Variants in IL34 observed in about 807,000 individuals in gnomAD.
IL34 encodes the protein interleukin 34, also known as interleukin-34.
A neutral mutation model predicts 25.3 loss-of-function variants in IL34; 17 were observed. The ratio of observed to expected loss-of-function variants is 0.67; its 90% CI spans 0.46 to 1.01. The LOEUF (loss-of-function observed/expected upper bound fraction) is 1.01. Ranked by LOEUF, IL34 falls within the 50% of genes least tolerant of loss-of-function variation. The pLI is 0.00. For synonymous variants in IL34, 174 were observed against 140.9 expected, an observed-to-expected ratio of 1.23 and a Z score of -1.66; for missense variants, 368 against 312.9, an observed-to-expected ratio of 1.18 and a Z score of -1.33.
chr16:70,620,969 G>A (rs1458796261), intron 1 of IL34, among the ~76,000 whole-genome samples: 1 of 152,166 alleles, frequency 6.6e-6, no homozygotes, highest in Non-Finnish European at 1.5e-5. Flanking sequence ...CACGGAGAAG[G>A]GGTGGAGGGT....
intron 1 of IL34, among the ~76,000 whole-genome samples, chr16:70,651,745 C>T (rs2052084048): frequency 6.8e-6 from 1 of 146,122 alleles, no homozygotes. Flanking sequence ...GTGACTCAGC[C>T]TGCCTGACTG....
chr16:70,639,617 G>C (rs1307491939), intron 1 of IL34, among the ~76,000 whole-genome samples: 1 of 150,478 alleles, frequency 6.6e-6, no homozygotes, highest in African/African-American at 2.4e-5. Flanking sequence ...TCGTGACGAA[G>C]GGCTTGAGCT....
chr16:70,655,199 C>T (rs367680953), intron 2 of IL34, among the ~76,000 whole-genome samples: 12 of 147,472 alleles, frequency 8.1e-5, no homozygotes, highest in African/African-American at 1.3e-4. Context: ...ACTACAGGTG[C>T]GCGCCACCAT....
intron 1 of IL34, among the ~76,000 whole-genome samples, chr16:70,612,117 G>A (rs2051099842): frequency 6.6e-6 from 1 of 152,228 alleles, no homozygotes; most frequent in Non-Finnish European, 1.5e-5. Flanking sequence ...GCTTCCAGGA[G>A]AGCCAGCCTC....
intron 1 of IL34, among the ~76,000 whole-genome samples, chr16:70,650,409 G>A (rs891012579): frequency 3.9e-5 from 6 of 152,158 alleles, no homozygotes; most frequent in African/African-American, 9.7e-5. Context: ...TGTGCCCACC[G>A]TGTCAGGCTG....
upstream of IL34, among the ~76,000 whole-genome samples, chr16:70,642,111 G>C (rs1447753270): frequency 6.6e-6 from 1 of 152,006 alleles, no homozygotes; most frequent in East Asian, 1.9e-4. Flanking sequence ...CCATTCTCTG[G>C]GCTGGAACTT....
At chr16:70,645,397 C>G (rs1460759480), upstream of IL34, among the ~76,000 whole-genome samples, 7 of 152,136 alleles carry the variant, frequency 4.6e-5, no homozygotes, top group Non-Finnish European at 1.0e-4. Context: ...TGCTCTCCCC[C>G]GATGGTGTCA....
chr16:70,604,468 G>A (rs2050967240), intron 1 of IL34, among the ~76,000 whole-genome samples: 1 of 152,172 alleles, frequency 6.6e-6, no homozygotes, highest in Admixed American at 6.5e-5. Flanking sequence ...TCAGGAAGGG[G>A]AAACCAAAAC....
rs552925445 is a variant in IL34 at position 70,654,665 on chromosome 16, G to T, written c.156G>T (p.Gln52His). 6.2e-7 allele frequency: 1 copy of T among 1,604,818 alleles called. No individual in the cohort carries two copies. Among genetic ancestry groups the T allele is most frequent in the Admixed American group, 1.7e-5 (1 of 59,628 alleles). Reference protein sequence around the residue: ...RDKLQYRSRLQYMKHYFPINY... With the variant: ...RDKLQYRSRLHYMKHYFPINY... ...AGCTGCAGTACAGGAGCCGACTTCAGTACATGGTAACCACGTGGGCACCAG... is the reference window on the plus strand; with the variant it reads ...AGCTGCAGTACAGGAGCCGACTTCATTACATGGTAACCACGTGGGCACCAG... Residue 52 changes from glutamine (Q) to histidine (H), a missense_variant, in exon 2 of 6, where the codon CAG becomes CAT. Transcript: ENST00000288098.
At chr16:70,621,633 A>AC (rs1356134251) in intron 1 of IL34, among the ~76,000 whole-genome samples, 1 of 152,074 alleles carries the variant, frequency 6.6e-6, no homozygotes, top group Admixed American at 6.6e-5. Flanking sequence ...GTGTGAAGAG[A>AC]CCATCAAACA....
At chr16:70,624,205 G>T (rs1372767968) in intron 1 of IL34, among the ~76,000 whole-genome samples, 1 of 151,948 alleles carries the variant, frequency 6.6e-6, no homozygotes, top group Non-Finnish European at 1.5e-5. Context: ...CGGGCTGCCG[G>T]CATTCCTTGG....
At chr16:70,648,685 G>A (rs2052004267) in intron 1 of IL34, among the ~76,000 whole-genome samples, 1 of 151,882 alleles carries the variant, frequency 6.6e-6, no homozygotes, top group East Asian at 1.9e-4. Context: ...GAGAGGGAGA[G>A]CAGCAGATTG....
chr16:70,598,555 A>G (rs940092172), intron 1 of IL34, among the ~76,000 whole-genome samples: 1 of 152,078 alleles, frequency 6.6e-6, no homozygotes, highest in Non-Finnish European at 1.5e-5. Context: ...CCTGGCCAAC[A>G]TGGTGAAACC....
chr16:70,618,553 C>T (rs1253533747), intron 1 of IL34, among the ~76,000 whole-genome samples: 2 of 152,160 alleles, frequency 1.3e-5, no homozygotes, highest in African/African-American at 2.4e-5. Context: ...AGTATTAATG[C>T]AGCGGCAGCC....
intron 1 of IL34, among the ~76,000 whole-genome samples, chr16:70,591,732 C>T (rs1284377946): frequency 6.6e-6 from 1 of 152,156 alleles, no homozygotes; most frequent in Non-Finnish European, 1.5e-5. Context: ...CGGATTCTTA[C>T]AGGGCCCAGC....
In IL34 at chr16:70,657,096, T is replaced by G; in HGVS notation, c.377T>G (p.Leu126Arg). ...WKYLQEVETL[L>R]LNVQQGLTDV... ...TACCTGCAGGAGGTGGAGACGCTGC[T>G]GCTGAATGTCCAGCAGGGCCTCACG... The change falls in exon 4 of 6, where the codon CTG (leucine) becomes CGG (arginine). Residue 126 changes from leucine to arginine, a missense_variant. Transcript: ENST00000288098. 6.2e-7 allele frequency: 1 copy of G among 1,613,112 alleles called. No homozygotes were observed. Among genetic ancestry groups the G allele is most frequent in the Non-Finnish European group, 8.5e-7 (1 of 1,179,924 alleles).
chr16:70,646,783 G>A lies in IL34; in HGVS notation c.-165G>A. 1.7e-6 allele frequency: 1 copy of A among 599,012 alleles called. No homozygotes were observed. Among genetic ancestry groups the A allele is most frequent in the Non-Finnish European group, 2.7e-6 (1 of 363,836 alleles). 37.1% of individuals were successfully genotyped at this position (599,012 alleles called of 1,614,324 possible). A position where few individuals can be genotyped will look rare whatever the true frequency, so the allele number is the denominator to read the frequency against. ...CAGATAAGGGCAGCTGCTGCCCTTGGGGCACCTGCTCACTCCCGCAGCCCA... is the reference window on the plus strand; with the variant it reads ...CAGATAAGGGCAGCTGCTGCCCTTGAGGCACCTGCTCACTCCCGCAGCCCA... On this transcript the variant is annotated 5_prime_UTR_variant, in exon 1 of 6. Transcript: ENST00000288098.
chr16:70,621,307 C>T (rs933186459), intron 1 of IL34, among the ~76,000 whole-genome samples: 5 of 152,042 alleles, frequency 3.3e-5, no homozygotes, highest in Admixed American at 1.3e-4. Flanking sequence ...TGACTGGCAC[C>T]GGAGTTTTGG....
chr16:70,631,099 A>G (rs893250836), intron 1 of IL34, among the ~76,000 whole-genome samples: 1 of 152,270 alleles, frequency 6.6e-6, no homozygotes, highest in Non-Finnish European at 1.5e-5. Context: ...CCATGGACGC[A>G]GAAGACTGAC....
Sources: gnomAD v4.1 joint callset for allele counts (sites outside exome capture counted in the v4.1 genomes callset) on GRCh38, gnomAD v4.1.1 for gene constraint, MANE v1.5 for transcripts, NCBI Gene and HGNC (gene_info 2026-07-23, HGNC 2026-07-21) for gene names.